Variants in ADAMTS12 observed in about 807,000 individuals in gnomAD.
ADAMTS12 encodes the protein ADAM metallopeptidase with thrombospondin type 1 motif 12, also known as A disintegrin and metalloproteinase with thrombospondin motifs 12.
Under a neutral mutation model 167.8 loss-of-function variants are expected in ADAMTS12, and 118 were observed. The ratio of observed to expected loss-of-function variants is 0.70; its 90% CI spans 0.61 to 0.82. ADAMTS12 has a LOEUF of 0.82. ADAMTS12 is among the 40% of genes least tolerant of loss of function. ADAMTS12 has a pLI of 0.00. For missense variants in ADAMTS12, 1,916 were observed against 1,998.8 expected (o/e 0.96, Z 0.79); for synonymous variants, 704 against 716.9 (o/e 0.98, Z 0.29).
intron 2 of ADAMTS12, among the ~76,000 whole-genome samples, chr5:33,802,307 G>C (rs539450208): frequency 6.6e-6 from 1 of 152,346 alleles, no homozygotes; most frequent in Non-Finnish European, 1.5e-5. Context: ...GTGTTGGAAA[G>C]TTGTTACTGT....
chr5:33,614,457 CA>C, intron 15 of ADAMTS12, 81 bp from the exon 16 acceptor site: 1 of 1,545,086 alleles, frequency 6.5e-7, no homozygotes, highest in Non-Finnish European at 8.9e-7. Context: ...CACAAAATGT[CA>C]GTCATCTAAA....
intron 21 of ADAMTS12, among the ~76,000 whole-genome samples, chr5:33,547,202 C>T (rs923510698): frequency 1.3e-5 from 2 of 152,136 alleles, no homozygotes; most frequent in Admixed American, 6.5e-5. Context: ...CACCACCTGC[C>T]TAAGTAATTT....
intron 3 of ADAMTS12, among the ~76,000 whole-genome samples, chr5:33,727,402 A>C (rs966065666): frequency 2.0e-5 from 3 of 152,256 alleles, no homozygotes; most frequent in African/African-American, 7.2e-5. Context: ...GGAAGTTAAC[A>C]TAGCTGTTTT....
At chr5:33,615,373 A>G (rs948588865) in intron 15 of ADAMTS12, among the ~76,000 whole-genome samples, 1 of 152,188 alleles carries the variant, frequency 6.6e-6, no homozygotes, top group Non-Finnish European at 1.5e-5. Context: ...TCTGTGCCCA[A>G]TATGAAAGAT....
chr5:33,645,144 T>TTA (rs1740613908), intron 9 of ADAMTS12, among the ~76,000 whole-genome samples: 1 of 146,036 alleles, frequency 6.8e-6, no homozygotes, highest in South Asian at 2.2e-4. Flanking sequence ...AAATGCTTTA[T>TTA]TTATTATTAT....
chr5:33,843,286 G>A (rs1748812482), intron 2 of ADAMTS12, among the ~76,000 whole-genome samples: 1 of 152,176 alleles, frequency 6.6e-6, no homozygotes, highest in Non-Finnish European at 1.5e-5. Flanking sequence ...CCGTGTTAAT[G>A]AGAAAGAGGC....
intron 3 of ADAMTS12, among the ~76,000 whole-genome samples, chr5:33,692,929 G>A (rs972635602): frequency 2.0e-5 from 3 of 152,196 alleles, no homozygotes; most frequent in African/African-American, 7.2e-5. Context: ...CCAAGGTTTA[G>A]TTGAGAGGGA....
At chr5:33,870,610 T>C (rs1750002036) in intron 2 of ADAMTS12, among the ~76,000 whole-genome samples, 1 of 152,082 alleles carries the variant, frequency 6.6e-6, no homozygotes, top group Non-Finnish European at 1.5e-5. Flanking sequence ...TAACGTGAGA[T>C]TTAGGAGGGG....
rs1184464410 is a variant in ADAMTS12 at position 33,683,879 on chromosome 5, T to C, written c.811A>G (p.Ile271Val). The change falls in exon 4 of 24, where the codon ATC (isoleucine) becomes GTC (valine). Residue 271 changes from isoleucine to valine, a missense_variant. Ile to Val is a conservative substitution (Grantham distance 29). Transcript: ENST00000504830. Reference protein sequence around the residue: ...YHGSENVESYILTIMNMVTGL... With the variant: ...YHGSENVESYVLTIMNMVTGL... ...CATACCATGTTCATGATGGTGAGGA[T>C]GTAGGACTCCACATTCTCACTCCCA... 8 of 1,576,738 alleles carry C rather than the reference T, an allele frequency of 5.1e-6. No individual in the cohort carries two copies. Among genetic ancestry groups the C allele is most frequent in the Non-Finnish European group, 6.9e-6 (8 of 1,160,906 alleles).
intron 1 of ADAMTS12, among the ~76,000 whole-genome samples, chr5:33,885,092 A>G (rs1750589990): frequency 1.3e-5 from 2 of 152,360 alleles, no homozygotes; most frequent in South Asian, 4.1e-4. Context: ...TTAGGTTGTC[A>G]TGAAACAGAA....
intron 2 of ADAMTS12, among the ~76,000 whole-genome samples, chr5:33,809,983 G>GAAAA (rs202032209): frequency 8.5e-5 from 10 of 118,082 alleles, no homozygotes; most frequent in African/African-American, 2.3e-4. Context: ...AAGTTTAACA[G>GAAAA]AAAAAAAAAA....
chr5:33,738,388 C>T (rs548824966), intron 3 of ADAMTS12, among the ~76,000 whole-genome samples: 15 of 152,174 alleles, frequency 9.9e-5, no homozygotes, highest in Non-Finnish European at 2.1e-4. Flanking sequence ...TGCTAATAGC[C>T]GCTTTAGGCT....
intron 10 of ADAMTS12, among the ~76,000 whole-genome samples, 163 bp downstream of exon 10, chr5:33,643,215 A>G (rs567872084): frequency 6.6e-6 from 1 of 152,186 alleles, no homozygotes; most frequent in South Asian, 2.1e-4. Context: ...CAGGTTCACC[A>G]GGAGTGGTGG....
chr5:33,823,370 G>A (rs11952033), intron 2 of ADAMTS12, among the ~76,000 whole-genome samples: 87,974 of 152,052 alleles, frequency 0.58, 25,861 homozygotes, highest in Non-Finnish European at 0.64. Flanking sequence ...GCCTTCTCCC[G>A]TCTTTGTCAC....
At chr5:33,725,023 G>A (rs1743931278) in intron 3 of ADAMTS12, among the ~76,000 whole-genome samples, 1 of 151,948 alleles carries the variant, frequency 6.6e-6, no homozygotes, top group African/African-American at 2.4e-5. Flanking sequence ...CCTTCCCCCT[G>A]CCTTCCCCAT....
At chr5:33,702,938 C>T (rs762485236) in intron 3 of ADAMTS12, among the ~76,000 whole-genome samples, 12 of 152,184 alleles carry the variant, frequency 7.9e-5, no homozygotes, top group Non-Finnish European at 1.5e-4. Context: ...TGCCATTCTA[C>T]AGGCAAAACC....
At chr5:33,608,348 G>C (rs533664861) in intron 16 of ADAMTS12, among the ~76,000 whole-genome samples, 1 of 152,120 alleles carries the variant, frequency 6.6e-6, no homozygotes, top group Non-Finnish European at 1.5e-5. Context: ...GACAGAGTTC[G>C]ATCATTTTAA....
At chr5:33,561,310 C>A in intron 19 of ADAMTS12, 131 bp from the exon 20 acceptor site, 1 of 1,165,976 alleles carries the variant, frequency 8.6e-7, no homozygotes, top group Non-Finnish European at 1.2e-6. Context: ...TAAAAATTAC[C>A]AACACTTGGG....
chr5:33,801,283 C>T lies in ADAMTS12; in HGVS notation c.490-49735G>A, dbSNP rs10065539. Among the ~76,000 whole-genome samples the T allele has an allele frequency of 8.8e-3, 1,346 of 152,300 alleles. 25 individuals carry two copies. The highest frequency in any genetic ancestry group is 0.031 in the African/African-American group (1,282 of 41,550). On this transcript the variant is annotated intron_variant, in intron 2 of 23. Coordinates refer to ENST00000504830, the MANE Select transcript of ADAMTS12 (RefSeq NM_030955.4). Reference sequence around the variant, plus strand: ...GTTACAGAGCTGTAGGAAACTGATACAGGTGGGTAGCCTGAAATCAGCCAT... The same window carrying T: ...GTTACAGAGCTGTAGGAAACTGATATAGGTGGGTAGCCTGAAATCAGCCAT...
Sources: gnomAD v4.1 joint callset for allele counts (sites outside exome capture counted in the v4.1 genomes callset) on GRCh38, gnomAD v4.1.1 for gene constraint, MANE v1.5 for transcripts, NCBI Gene and HGNC (gene_info 2026-07-23, HGNC 2026-07-21) for gene names.